ZNF469: variants seen among roughly 807,000 people sequenced by gnomAD.
ZNF469 encodes zinc finger protein 469.
A neutral mutation model predicts 1.0 loss-of-function variants in ZNF469; 1 was observed. The observed-to-expected ratio is 1.00, with a 90% CI of 0.35 to 4.73. The LOEUF (loss-of-function observed/expected upper bound fraction) is 4.73, where lower values mean the gene tolerates loss of function less well. Ranked by LOEUF, ZNF469 falls within the 30% of genes most tolerant of loss-of-function variation. The pLI is 0.16. For missense variants in ZNF469, 6,100 were observed against 5,356.3 expected (o/e 1.14, Z -4.33); for synonymous variants, 2,703 against 2,363.4 (o/e 1.14, Z -4.17).
chr16:88,251,162 G>A, the ZNF469 span, among the ~76,000 whole-genome samples: 1 of 152,198 alleles, frequency 6.6e-6, no homozygotes, highest in African/African-American at 2.4e-5. Context: ...ACAGGCATGA[G>A]CCACCGCGCC....
chr16:88,391,611 G>T (rs1281224236), intron 1 of ZNF469, among the ~76,000 whole-genome samples: 1 of 152,258 alleles, frequency 6.6e-6, no homozygotes, highest in Non-Finnish European at 1.5e-5. Flanking sequence ...GACCTGTGTA[G>T]GTGGGAAGGC....
chr16:88,229,005 A>G, the ZNF469 span, among the ~76,000 whole-genome samples: 44 of 152,156 alleles, frequency 2.9e-4, no homozygotes, highest in African/African-American at 1.0e-3. Context: ...TGTCAAGGTA[A>G]GAGCTGAGCC....
chr16:88,150,937 C>T, the ZNF469 span, among the ~76,000 whole-genome samples: 1 of 151,998 alleles, frequency 6.6e-6, no homozygotes, highest in African/African-American at 2.4e-5. Context: ...TCCTCAGGCC[C>T]GGGGAAGGGG....
At position 88,429,462 on chromosome 16, in the gene ZNF469, G is replaced by A. The variant is rs960061621; in HGVS notation, c.1992G>A (p.Glu664=). ...PHSLPTHYQP[E]PAKAFPFPAD... ...CCCTCCCCACCCACTACCAGCCAGAGCCAGCCAAGGCCTTCCCTTTTCCCG... is the reference window on the plus strand; with the variant it reads ...CCCTCCCCACCCACTACCAGCCAGAACCAGCCAAGGCCTTCCCTTTTCCCG... Residue 664 remains glutamate, a synonymous_variant, in exon 3 of 3, where the codon GAG becomes GAA. Coordinates refer to ENST00000565624, the MANE Select transcript of ZNF469 (RefSeq NM_001367624.2). 4.0e-6 allele frequency: 6 copies of A among 1,511,456 alleles called. No homozygotes were observed. In the African/African-American group the frequency reaches 7.0e-5, roughly 18 times the overall value. The allele number at this position is 1,511,456 out of a possible 1,614,324, so 93.6% of individuals were successfully genotyped here. A position where few individuals can be genotyped will look rare whatever the true frequency, so the allele number is the denominator to read the frequency against.
At chr16:88,172,111 A>T in the ZNF469 span, among the ~76,000 whole-genome samples, 1 of 152,238 alleles carries the variant, frequency 6.6e-6, no homozygotes, top group East Asian at 1.9e-4. Context: ...GGAGATAGAA[A>T]TGAGTTCAGG....
chr16:88,120,742 G>A, the ZNF469 span, among the ~76,000 whole-genome samples: 2 of 152,216 alleles, frequency 1.3e-5, no homozygotes, highest in Non-Finnish European at 2.9e-5. Flanking sequence ...TGAGCCCCGG[G>A]AACACTGGCT....
At position 88,428,181 on chromosome 16, in the gene ZNF469, C is replaced by G. The variant is rs1358964326; in HGVS notation, c.711C>G (p.Pro237=). Residue 237 remains proline (P), a synonymous_variant, in exon 3 of 3, where the codon CCC becomes CCG. Transcript: ENST00000565624. Reference sequence around the variant, plus strand: ...CCAGTGGGGCCGACTCCTGGCCTCCCGCTGCTGAGAATAGCTTCCCAGGTG... The same window carrying G: ...CCAGTGGGGCCGACTCCTGGCCTCCGGCTGCTGAGAATAGCTTCCCAGGTG... The part of the protein sequence containing the change: ...YQASGADSWP[P]AAENSFPGAN... 3.2e-6 allele frequency: 5 copies of G among 1,550,266 alleles called. No individual in the cohort carries two copies. The highest frequency in any genetic ancestry group is 1.4e-5 in the African/African-American group (1 of 73,170).
rs1162011324 is a variant in ZNF469 at position 88,430,031 on chromosome 16, A to G, written c.2561A>G (p.Gln854Arg). 4.5e-6 allele frequency: 7 copies of G among 1,550,370 alleles called. No individual in the cohort carries two copies. The highest frequency in any genetic ancestry group is 6.1e-6 in the Non-Finnish European group (7 of 1,146,978). ...GAGGCGCTCAACGGCATGGAGTACCAGTCGGACAACCCGGAGATCGACAGC... is the reference window on the plus strand; with the variant it reads ...GAGGCGCTCAACGGCATGGAGTACCGGTCGGACAACCCGGAGATCGACAGC... ...ITEALNGMEYQSDNPEIDSSF... is the reference protein window; with the variant it reads ...ITEALNGMEYRSDNPEIDSSF... Residue 854 changes from glutamine (Q) to arginine (R), a missense_variant, in exon 3 of 3, where the codon CAG becomes CGG. Coordinates refer to ENST00000565624, the MANE Select transcript of ZNF469 (RefSeq NM_001367624.2).
At chr16:88,121,647 T>C in the ZNF469 span, among the ~76,000 whole-genome samples, 2 of 152,300 alleles carry the variant, frequency 1.3e-5, no homozygotes, top group South Asian at 4.1e-4. Context: ...TATAATTTAT[T>C]CCAATGACCT....
At chr16:88,284,610 C>CA in the ZNF469 span, among the ~76,000 whole-genome samples, 90,219 of 109,436 alleles carry the variant, frequency 0.82, 39,174 homozygotes, top group Non-Finnish European at 0.97. Flanking sequence ...GATCCCATCT[C>CA]AAAAAAAAAA....
intron 1 of ZNF469, among the ~76,000 whole-genome samples, chr16:88,423,572 G>A (rs975248212): frequency 3.3e-5 from 5 of 152,182 alleles, no homozygotes; most frequent in African/African-American, 1.2e-4. Context: ...GTTTCCAAAG[G>A]TCAGGATGCA....
At chr16:88,149,603 G>A in the ZNF469 span, among the ~76,000 whole-genome samples, 1 of 152,232 alleles carries the variant, frequency 6.6e-6, no homozygotes, top group East Asian at 1.9e-4. Context: ...AAGTAGCAAG[G>A]GGACTGATTT....
chr16:88,316,866 G>A, the ZNF469 span, among the ~76,000 whole-genome samples: 27 of 152,204 alleles, frequency 1.8e-4, no homozygotes, highest in East Asian at 2.5e-3. Flanking sequence ...TCTCAGTGCC[G>A]CATTGCCCAG....
chr16:88,167,053 C>CTTTTT, the ZNF469 span, among the ~76,000 whole-genome samples: 7 of 82,860 alleles, frequency 8.4e-5, no homozygotes, highest in African/African-American at 2.0e-4. Context: ...CAGGCTTATT[C>CTTTTT]TTTTTTTTTT....
chr16:88,310,829 C>A, the ZNF469 span, among the ~76,000 whole-genome samples: 1 of 152,218 alleles, frequency 6.6e-6, no homozygotes, highest in Non-Finnish European at 1.5e-5. Context: ...TTTAAAAGAG[C>A]AGTTTTAGAT....
the ZNF469 span, among the ~76,000 whole-genome samples, chr16:88,309,809 C>G: frequency 6.6e-6 from 1 of 152,160 alleles, no homozygotes; most frequent in African/African-American, 2.4e-5. Flanking sequence ...ATGCTGGCCT[C>G]CAAGCCCCTC....
chr16:88,275,549 C>T, the ZNF469 span, among the ~76,000 whole-genome samples: 17 of 152,132 alleles, frequency 1.1e-4, no homozygotes, highest in Non-Finnish European at 2.4e-4. Context: ...GTGGCTCGGG[C>T]CCTCACAGCA....
At chr16:88,360,614 G>A in the ZNF469 span, among the ~76,000 whole-genome samples, 1 of 105,734 alleles carries the variant, frequency 9.5e-6, no homozygotes, top group African/African-American at 4.3e-5. Flanking sequence ...GCGCCCGCAT[G>A]CTCCCTCGAA....
At chr16:88,230,491 C>T in the ZNF469 span, among the ~76,000 whole-genome samples, 1 of 152,090 alleles carries the variant, frequency 6.6e-6, no homozygotes, top group South Asian at 2.1e-4. Flanking sequence ...GGGGACTCCC[C>T]TAGAGGAGCG....
Sources: allele counts gnomAD v4.1 joint callset (sites outside exome capture counted in the v4.1 genomes callset), GRCh38; gene constraint gnomAD v4.1.1; transcripts MANE v1.5; gene names NCBI Gene and HGNC (gene_info 2026-07-23, HGNC 2026-07-21).